The following NCOA2 variants were observed in gnomAD, a reference collection of about 807,000 sequenced individuals.
NCOA2 encodes nuclear receptor coactivator 2, also known as class E basic helix-loop-helix protein 75.
Under a neutral mutation model 145.1 loss-of-function variants are expected in NCOA2, and 21 were observed. The ratio of observed to expected loss-of-function variants is 0.14; its 90% CI spans 0.10 to 0.21. The LOEUF (loss-of-function observed/expected upper bound fraction) is 0.21. Among genes scored for constraint, NCOA2 ranks in the 10% least tolerant of loss-of-function variants. The pLI is 1.00. For synonymous variants in NCOA2, 619 were observed against 637.5 expected, an observed-to-expected ratio of 0.97 and a Z score of 0.44; for missense variants, 1,472 against 1,837.6, an observed-to-expected ratio of 0.80 and a Z score of 3.64.
chr8:70,138,119 G>A, intron 15 of NCOA2, 84 bp downstream of exon 15: 12 of 1,431,078 alleles, frequency 8.4e-6, no homozygotes, highest in Non-Finnish European at 1.1e-5. Context: ...ATGAAAACTG[G>A]TCAGGCACCG....
chr8:70,369,324 A>C (rs1313204128), intron 1 of NCOA2, among the ~76,000 whole-genome samples: 4 of 152,236 alleles, frequency 2.6e-5, no homozygotes, highest in Non-Finnish European at 5.9e-5. Context: ...ATTGAGAGAC[A>C]CCAATGTAAA....
chr8:70,456,254 C>A, the NCOA2 span, among the ~76,000 whole-genome samples: 1 of 152,078 alleles, frequency 6.6e-6, no homozygotes, highest in African/African-American at 2.4e-5. Context: ...CTTCGAGGAA[C>A]TTTTCTAAAG....
chr8:70,137,937 A>G, intron 15 of NCOA2: 1 of 277,644 alleles, frequency 3.6e-6, no homozygotes. Flanking sequence ...CTTCTGAAAC[A>G]TGGCTTATGA....
chr8:70,303,691 C>A (rs1256386910), intron 1 of NCOA2, among the ~76,000 whole-genome samples: 1 of 152,146 alleles, frequency 6.6e-6, no homozygotes, highest in Non-Finnish European at 1.5e-5. Context: ...AGACAATAAC[C>A]TGCTGCTGGA....
At chr8:70,239,770 A>C (rs1357395830) in intron 2 of NCOA2, among the ~76,000 whole-genome samples, 2 of 152,196 alleles carry the variant, frequency 1.3e-5, no homozygotes, top group African/African-American at 4.8e-5. Context: ...TGAGAAGAGA[A>C]AACAACAGCT....
the NCOA2 span, among the ~76,000 whole-genome samples, chr8:70,430,214 A>G: frequency 2.9e-4 from 44 of 152,212 alleles, no homozygotes; most frequent in African/African-American, 1.0e-3. Flanking sequence ...GCTAAACAAT[A>G]TATGGAAAAT....
upstream of NCOA2, among the ~76,000 whole-genome samples, chr8:70,404,464 A>T (rs1214348064): frequency 6.6e-6 from 1 of 151,954 alleles, no homozygotes; most frequent in African/African-American, 2.4e-5. Context: ...CCTCGGGCGC[A>T]CCTCACCCTA....
At chr8:70,414,866 T>C in the NCOA2 span, among the ~76,000 whole-genome samples, 1 of 152,222 alleles carries the variant, frequency 6.6e-6, no homozygotes, top group Non-Finnish European at 1.5e-5. Context: ...AAGGACTTGT[T>C]ATATTCATAA....
At chr8:70,359,057 TAC>T (rs1307400152) in intron 1 of NCOA2, among the ~76,000 whole-genome samples, 1 of 152,184 alleles carries the variant, frequency 6.6e-6, no homozygotes, top group Non-Finnish European at 1.5e-5. Flanking sequence ...ATGGCTATAT[TAC>T]AATTTTTGAA....
chr8:70,402,789 G>T (rs1250532620), intron 1 of NCOA2, among the ~76,000 whole-genome samples: 1 of 139,442 alleles, frequency 7.2e-6, no homozygotes, highest in Non-Finnish European at 1.6e-5. Context: ...CCCCGGCCCC[G>T]GCCCCAGCGC....
At chr8:70,126,790 T>C (rs1808466410) in intron 19 of NCOA2, 23 bp downstream of exon 19, 17 of 1,592,150 alleles carry the variant, frequency 1.1e-5, no homozygotes, top group Non-Finnish European at 1.5e-5. Flanking sequence ...TGGTGAAAGG[T>C]GGTGGGGATC....
At chr8:70,347,889 AT>A (rs1808825343) in intron 1 of NCOA2, among the ~76,000 whole-genome samples, 1 of 152,088 alleles carries the variant, frequency 6.6e-6, no homozygotes, top group African/African-American at 2.4e-5. Flanking sequence ...GGACTTCTGT[AT>A]TGTTAATTTG....
At chr8:70,129,101 C>T (rs1585752596) in intron 16 of NCOA2, 121 bp from the exon 17 acceptor site, 1 of 958,984 alleles carries the variant, frequency 1.0e-6, no homozygotes, top group East Asian at 2.6e-5. Flanking sequence ...TAATATTATA[C>T]TTACTACACA....
intron 1 of NCOA2, among the ~76,000 whole-genome samples, chr8:70,297,108 C>G (rs1827148493): frequency 6.6e-6 from 1 of 152,196 alleles, no homozygotes; most frequent in East Asian, 1.9e-4. Context: ...TAACCACCAG[C>G]CTTCCCTATG....
At chr8:70,375,415 T>C (rs1811582275) in intron 1 of NCOA2, among the ~76,000 whole-genome samples, 1 of 152,126 alleles carries the variant, frequency 6.6e-6, no homozygotes, top group African/African-American at 2.4e-5. Context: ...GATGGCTGTT[T>C]CAGGAAACTC....
At chr8:70,351,190 C>T (rs1168455308) in intron 1 of NCOA2, among the ~76,000 whole-genome samples, 1 of 152,192 alleles carries the variant, frequency 6.6e-6, no homozygotes, top group Non-Finnish European at 1.5e-5. Flanking sequence ...TAAATTTCAA[C>T]CTGAGTTTTA....
chr8:70,240,696 C>T (rs1014907503), intron 2 of NCOA2, among the ~76,000 whole-genome samples: 1 of 152,094 alleles, frequency 6.6e-6, no homozygotes, highest in Non-Finnish European at 1.5e-5. Context: ...AATGAATCAA[C>T]AATATTATGT....
At chr8:70,238,885 T>A (rs1246802854) in intron 2 of NCOA2, among the ~76,000 whole-genome samples, 4 of 152,182 alleles carry the variant, frequency 2.6e-5, no homozygotes, top group Admixed American at 6.6e-5. Flanking sequence ...CAGGACAGAT[T>A]CAGGCCCCCA....
At chr8:70,432,757 A>G in the NCOA2 span, among the ~76,000 whole-genome samples, 1 of 152,182 alleles carries the variant, frequency 6.6e-6, no homozygotes, top group Non-Finnish European at 1.5e-5. Context: ...AAATAAAATT[A>G]CAATAAAAAT....
Sources: gnomAD v4.1 joint callset for allele counts (sites outside exome capture counted in the v4.1 genomes callset) on GRCh38, gnomAD v4.1.1 for gene constraint, MANE v1.5 for transcripts, NCBI Gene and HGNC (gene_info 2026-07-23, HGNC 2026-07-21) for gene names.